Variants in KLHL1 observed in about 807,000 individuals in gnomAD.
The protein encoded by KLHL1 is kelch-like protein 1.
Under a neutral mutation model 77.7 loss-of-function variants are expected in KLHL1, and 47 were observed. The ratio of observed to expected loss-of-function variants is 0.60; its 90% CI spans 0.48 to 0.77. The LOEUF is 0.77. Among genes scored for constraint, KLHL1 ranks in the 30% least tolerant of loss-of-function variants. The pLI is 0.00. For synonymous variants in KLHL1, 360 were observed against 325.2 expected (o/e 1.11, Z -1.15); for missense variants, 925 against 910.8 (o/e 1.02, Z -0.20).
chr13:70,071,913 A>G (rs1045983740), intron 1 of KLHL1, among the ~76,000 whole-genome samples: 6 of 152,126 alleles, frequency 3.9e-5, no homozygotes, highest in African/African-American at 1.4e-4. Flanking sequence ...TGGAAACAGA[A>G]GAGAAAATTA....
chr13:70,040,969 A>G (rs1458836953), intron 1 of KLHL1, among the ~76,000 whole-genome samples: 1 of 151,996 alleles, frequency 6.6e-6, no homozygotes, highest in Non-Finnish European at 1.5e-5. Context: ...GGTGACTTCT[A>G]CTGATTTATT....
At position 69,707,752 on chromosome 13, in the gene KLHL1, C is replaced by T. The variant is rs1292005490; in HGVS notation, c.2060G>A (p.Ser687Asn). 7.4e-6 allele frequency: 12 copies of T among 1,612,672 alleles called. No homozygotes were observed. In the African/African-American group the frequency reaches 1.1e-4, roughly 14 times the overall value. ...GACCCCAACAGCATCTCTGGGCATACTCAAAGGAGCCACCATGGTCCAAGT... is the reference window on the plus strand; with the variant it reads ...GACCCCAACAGCATCTCTGGGCATATTCAAAGGAGCCACCATGGTCCAAGT... ...TDTWTMVAPLSMPRDAVGVCL... is the reference protein window; with the variant it reads ...TDTWTMVAPLNMPRDAVGVCL... Residue 687 changes from serine to asparagine, a missense_variant, in exon 10 of 11, where the codon AGT (serine) becomes AAT (asparagine). Physicochemically the swap from Ser to Asn is conservative, Grantham distance 46 (BLOSUM62 1). Coordinates refer to ENST00000377844, the MANE Select transcript of KLHL1 (RefSeq NM_020866.3).
At chr13:69,958,818 G>C (rs1245280561) in intron 3 of KLHL1, among the ~76,000 whole-genome samples, 1 of 151,176 alleles carries the variant, frequency 6.6e-6, no homozygotes, top group Non-Finnish European at 1.5e-5. Context: ...CTGTTTTCTG[G>C]AATATATTTA....
At chr13:69,748,259 G>A (rs190442698) in intron 7 of KLHL1, among the ~76,000 whole-genome samples, 119 of 152,104 alleles carry the variant, frequency 7.8e-4, no homozygotes, top group African/African-American at 2.7e-3. Flanking sequence ...GTATCAGTCC[G>A]TTTTCATGCT....
At chr13:69,827,659 A>G (rs1878601306) in intron 6 of KLHL1, among the ~76,000 whole-genome samples, 1 of 147,624 alleles carries the variant, frequency 6.8e-6, no homozygotes, top group African/African-American at 2.5e-5. Flanking sequence ...GAACCCCAGG[A>G]GTCAGAGGTT....
In KLHL1 at chr13:69,867,876, T is replaced by A. The variant is rs2150958; in HGVS notation, c.1227+14407A>T. On this transcript the variant is annotated intron_variant, in intron 5 of 10. Transcript: ENST00000377844. The stretch of plus-strand genomic sequence containing the variant: ...GTGGGGTGGGGGGAGGGGGGAGGGA[T>A]AGCATTAGGAGATATACCTAATGTT... Among the ~76,000 whole-genome samples the A allele has an allele frequency of 3.7e-3, 505 of 136,524 alleles. 7 individuals carry two copies. The highest frequency in any genetic ancestry group is 0.012 in the African/African-American group (466 of 37,856). The allele number at this position is 136,524 out of a possible 152,430, so 89.6% of individuals were successfully genotyped here.
At position 69,829,552 on chromosome 13, in the gene KLHL1, T is replaced by C. The variant is rs150964051; in HGVS notation, c.1414+9424A>G. Among the ~76,000 whole-genome samples the C allele has an allele frequency of 2.1e-3, 322 of 149,978 alleles. 9 individuals carry two copies. Among genetic ancestry groups the C allele is most frequent in the Non-Finnish European group, 4.0e-3 (268 of 67,752 alleles). On this transcript the variant is annotated intron_variant, in intron 6 of 10. Transcript: ENST00000377844. Reference sequence around the variant, plus strand: ...AAGGAGCTATAACACCATCAGAAGATCACACTAGCTCACCAACAATGGATC... The same window carrying C: ...AAGGAGCTATAACACCATCAGAAGACCACACTAGCTCACCAACAATGGATC...
intron 6 of KLHL1, among the ~76,000 whole-genome samples, chr13:69,816,072 A>G (rs1257533134): frequency 6.6e-6 from 1 of 151,960 alleles, no homozygotes; most frequent in Non-Finnish European, 1.5e-5. Context: ...CAATAGGTAA[A>G]TATCAGAAAA....
intron 7 of KLHL1, among the ~76,000 whole-genome samples, chr13:69,749,795 C>G (rs956939354): frequency 4.6e-5 from 7 of 151,880 alleles, no homozygotes; most frequent in African/African-American, 1.7e-4. Flanking sequence ...ATTTCTGTAT[C>G]AATGCAACCA....
At chr13:69,946,973 CAT>C (rs1334655116) in intron 3 of KLHL1, among the ~76,000 whole-genome samples, 1 of 150,806 alleles carries the variant, frequency 6.6e-6, no homozygotes, top group Non-Finnish European at 1.5e-5. Flanking sequence ...ATATGAAAAA[CAT>C]ATTTTTAATA....
chr13:70,099,739 T>C (rs1162729098), intron 1 of KLHL1, among the ~76,000 whole-genome samples: 1 of 152,054 alleles, frequency 6.6e-6, no homozygotes, highest in Admixed American at 6.6e-5. Flanking sequence ...TAATGAAAGT[T>C]GTTAATTAAA....
At chr13:70,031,523 G>A (rs1177004666) in intron 1 of KLHL1, among the ~76,000 whole-genome samples, 1 of 152,078 alleles carries the variant, frequency 6.6e-6, no homozygotes, top group Non-Finnish European at 1.5e-5. Context: ...TCTTCCCTTA[G>A]GCATTGTCTA....
chr13:69,947,314 T>C (rs990038904), intron 3 of KLHL1, among the ~76,000 whole-genome samples: 1 of 152,116 alleles, frequency 6.6e-6, no homozygotes, highest in African/African-American at 2.4e-5. Context: ...AAATGGTGTA[T>C]AATTGACCAT....
intron 1 of KLHL1, among the ~76,000 whole-genome samples, chr13:70,095,139 A>T (rs1887756124): frequency 6.6e-6 from 1 of 152,156 alleles, no homozygotes; most frequent in Non-Finnish European, 1.5e-5. Flanking sequence ...TCAGTCATTG[A>T]TCTACCCAGC....
At chr13:70,081,959 G>A (rs1887402213) in intron 1 of KLHL1, among the ~76,000 whole-genome samples, 2 of 152,136 alleles carry the variant, frequency 1.3e-5, no homozygotes, top group Non-Finnish European at 2.9e-5. Context: ...GGGAGGAGGA[G>A]GCTGGTGGAT....
At chr13:69,924,948 T>C (rs1207243963) in intron 4 of KLHL1, among the ~76,000 whole-genome samples, 1 of 152,204 alleles carries the variant, frequency 6.6e-6, no homozygotes, top group Non-Finnish European at 1.5e-5. Context: ...CTCACCCTCC[T>C]GCAGTCAGCA....
chr13:70,048,739 C>T (rs780827712), intron 1 of KLHL1, among the ~76,000 whole-genome samples: 25 of 152,170 alleles, frequency 1.6e-4, no homozygotes, highest in African/African-American at 2.4e-5. Context: ...GTGATGCCAG[C>T]GATGGAGAGC....
At chr13:69,882,740 T>C (rs140731041) in intron 4 of KLHL1, among the ~76,000 whole-genome samples, 3 of 152,204 alleles carry the variant, frequency 2.0e-5, no homozygotes, top group Admixed American at 2.0e-4. Flanking sequence ...AGCTTTGTTA[T>C]GCAGGCAGAA....
At chr13:69,820,554 C>T (rs541617453) in intron 6 of KLHL1, among the ~76,000 whole-genome samples, 9 of 152,132 alleles carry the variant, frequency 5.9e-5, no homozygotes, top group Non-Finnish European at 1.0e-4. Flanking sequence ...GAGGCATAAG[C>T]GTAATATAAA....
Sources: allele counts gnomAD v4.1 joint callset (sites outside exome capture counted in the v4.1 genomes callset), GRCh38; gene constraint gnomAD v4.1.1; transcripts MANE v1.5; gene names NCBI Gene and HGNC (gene_info 2026-07-23, HGNC 2026-07-21).